Variants in ALCAM observed in about 807,000 individuals in gnomAD.
ALCAM encodes activated leukocyte cell adhesion molecule.
ALCAM carries 30 observed loss-of-function variants against 70.9 expected under a neutral mutation model. That is an observed-to-expected ratio of 0.42 (90% CI 0.32 to 0.57). The LOEUF is 0.57. Ranked by LOEUF, ALCAM falls within the 20% of genes least tolerant of loss-of-function variation. The pLI, the probability that ALCAM is intolerant of heterozygous loss-of-function variation, is 0.11. For missense variants in ALCAM, 591 were observed against 695.1 expected, an observed-to-expected ratio of 0.85 and a Z score of 1.68; for synonymous variants, 249 against 242.5, an observed-to-expected ratio of 1.03 and a Z score of -0.25.
intron 3 of ALCAM, chr3:105,525,485 T>A (rs1444420305): frequency 4.8e-6 from 2 of 419,442 alleles, no homozygotes; most frequent in Non-Finnish European, 3.2e-6. Context: ...CAGTCTTTTT[T>A]AATTAGGGAA....
intron 1 of ALCAM, among the ~76,000 whole-genome samples, chr3:105,418,092 A>G (rs1432954798): frequency 6.6e-6 from 1 of 151,858 alleles, no homozygotes; most frequent in Non-Finnish European, 1.5e-5. Context: ...AATTCGTTAC[A>G]TTCTCATTTC....
intron 1 of ALCAM, among the ~76,000 whole-genome samples, chr3:105,491,899 C>A (rs1938596231): frequency 1.3e-5 from 2 of 152,216 alleles, no homozygotes; most frequent in Non-Finnish European, 2.9e-5. Flanking sequence ...TGCCTGTTAT[C>A]CAGTTCCAAA....
At position 105,418,527 on chromosome 3, in the gene ALCAM, G is replaced by A. The variant is rs561780618; in HGVS notation, c.73+51046G>A. 2.6e-5 allele frequency among the ~76,000 whole-genome samples: 4 copies of A among 151,764 alleles called. No homozygotes were observed. The East Asian group carries it at 5.8e-4, about 22-fold the overall frequency. ...AAGAAAAAAAAAACAGTTAATGACAGTTCAAATTCACTTAGTAGAGTAACG... is the reference window on the plus strand; with the variant it reads ...AAGAAAAAAAAAACAGTTAATGACAATTCAAATTCACTTAGTAGAGTAACG... On this transcript the variant is annotated intron_variant, in intron 1 of 15. Coordinates refer to ENST00000306107, the MANE Select transcript of ALCAM (RefSeq NM_001627.4).
intron 1 of ALCAM, among the ~76,000 whole-genome samples, chr3:105,411,367 A>G (rs965738347): frequency 5.9e-5 from 9 of 152,050 alleles, no homozygotes; most frequent in South Asian, 2.1e-4. Flanking sequence ...TTTTCATTGC[A>G]TAGTAGCAGC....
chr3:105,436,440 G>C (rs183428288), intron 1 of ALCAM, among the ~76,000 whole-genome samples: 2 of 152,150 alleles, frequency 1.3e-5, no homozygotes, highest in African/African-American at 4.8e-5. Context: ...CCATTCTCCT[G>C]CCTCAGCCTC....
intron 1 of ALCAM, among the ~76,000 whole-genome samples, chr3:105,372,113 C>G (rs1329066782): frequency 6.6e-6 from 1 of 152,030 alleles, no homozygotes; most frequent in Admixed American, 6.5e-5. Flanking sequence ...TCCATTTATA[C>G]TTTTGATTAC....
intron 1 of ALCAM, among the ~76,000 whole-genome samples, chr3:105,406,625 C>T (rs1333296331): frequency 1.3e-5 from 2 of 151,920 alleles, no homozygotes; most frequent in African/African-American, 4.8e-5. Context: ...TAAAGTCACA[C>T]CTTATGGAAC....
intron 6 of ALCAM, among the ~76,000 whole-genome samples, chr3:105,535,108 G>A (rs1264001601): frequency 6.6e-6 from 1 of 152,080 alleles, no homozygotes; most frequent in East Asian, 1.9e-4. Flanking sequence ...GTTCTTTAAA[G>A]ATAAGATCTA....
At chr3:105,492,262 C>T (rs1938609046) in intron 1 of ALCAM, among the ~76,000 whole-genome samples, 1 of 152,158 alleles carries the variant, frequency 6.6e-6, no homozygotes, top group African/African-American at 2.4e-5. Flanking sequence ...AATTACTTCC[C>T]ACCGGGTCCC....
chr3:105,412,694 G>A (rs1936419728), intron 1 of ALCAM, among the ~76,000 whole-genome samples: 1 of 152,094 alleles, frequency 6.6e-6, no homozygotes, highest in Non-Finnish European at 1.5e-5. Context: ...AAGTCAACAT[G>A]AGGAGAAAGC....
chr3:105,433,063 T>C (rs1217871360), intron 1 of ALCAM, among the ~76,000 whole-genome samples: 1 of 152,130 alleles, frequency 6.6e-6, no homozygotes, highest in Non-Finnish European at 1.5e-5. Context: ...ACATTAAACT[T>C]TAGCATAAAT....
chr3:105,451,449 T>C (rs1937425351), intron 1 of ALCAM, among the ~76,000 whole-genome samples: 1 of 151,970 alleles, frequency 6.6e-6, no homozygotes, highest in African/African-American at 2.4e-5. Context: ...AGAAACAAAC[T>C]CCAGCTATGT....
intron 1 of ALCAM, among the ~76,000 whole-genome samples, chr3:105,503,215 T>C (rs1229480422): frequency 6.6e-6 from 1 of 152,232 alleles, no homozygotes; most frequent in African/African-American, 2.4e-5. Flanking sequence ...ATATTTGCTT[T>C]GGACTCTTCT....
At chr3:105,552,876 C>A in intron 14 of ALCAM, 3 of 1,176,496 alleles carry the variant, frequency 2.5e-6, no homozygotes, top group Non-Finnish European at 3.2e-6. Flanking sequence ...AAAGCGTATA[C>A]TTCCTAAAGG....
intron 1 of ALCAM, among the ~76,000 whole-genome samples, chr3:105,517,210 A>G (rs936301097): frequency 2.0e-5 from 3 of 152,068 alleles, no homozygotes; most frequent in Admixed American, 6.6e-5. Flanking sequence ...TGTCAGATGA[A>G]CTTGGGAGTC....
chr3:105,571,306 C>T (rs1420397044), intron 14 of ALCAM, among the ~76,000 whole-genome samples: 2 of 152,104 alleles, frequency 1.3e-5, no homozygotes, highest in Non-Finnish European at 2.9e-5. Context: ...GAACCAGCCA[C>T]GTTAAAGTTG....
chr3:105,433,115 T>G (rs1044752724), intron 1 of ALCAM, among the ~76,000 whole-genome samples: 4 of 152,138 alleles, frequency 2.6e-5, no homozygotes, highest in Non-Finnish European at 4.4e-5. Flanking sequence ...AACTCTTGCT[T>G]ATGGCTATAA....
chr3:105,452,606 G>A lies in ALCAM; in HGVS notation c.74-67461G>A, dbSNP rs138731730. 4.1e-4 allele frequency among the ~76,000 whole-genome samples: 63 copies of A among 152,214 alleles called. No individual in the cohort carries two copies. The East Asian group carries it at 0.011, about 26-fold the overall frequency. On this transcript the variant is annotated intron_variant, in intron 1 of 15. Coordinates refer to ENST00000306107, the MANE Select transcript of ALCAM (RefSeq NM_001627.4). Reference sequence around the variant, plus strand: ...TATATACCCAGTAATGGGATTGCTGGGTCAAATGAAATTTCTGGTTCTAGA... The same window carrying A: ...TATATACCCAGTAATGGGATTGCTGAGTCAAATGAAATTTCTGGTTCTAGA...
intron 14 of ALCAM, 115 bp downstream of exon 14, chr3:105,552,700 A>T (rs371368118): frequency 1.3e-6 from 2 of 1,549,692 alleles, no homozygotes. Context: ...AGGAAGATGT[A>T]TCCCCAAATC....
Sources: gnomAD v4.1 joint callset for allele counts (sites outside exome capture counted in the v4.1 genomes callset) on GRCh38, gnomAD v4.1.1 for gene constraint, MANE v1.5 for transcripts, NCBI Gene and HGNC (gene_info 2026-07-23, HGNC 2026-07-21) for gene names.